PRKCE: variants seen among roughly 807,000 people sequenced by gnomAD.
PRKCE encodes the protein protein kinase C epsilon type.
In PRKCE, 16 loss-of-function variants were observed where a neutral mutation model predicts 85.4. That is an observed-to-expected ratio of 0.19 (90% CI 0.13 to 0.28). PRKCE has a LOEUF of 0.28. Among genes scored for constraint, PRKCE ranks in the 10% least tolerant of loss-of-function variants. The pLI is 1.00. For missense variants in PRKCE, 573 were observed against 975.2 expected, an observed-to-expected ratio of 0.59 and a Z score of 5.49; for synonymous variants, 388 against 371.5, an observed-to-expected ratio of 1.04 and a Z score of -0.51.
chr2:45,791,123 G>A (rs1686999555), intron 1 of PRKCE, among the ~76,000 whole-genome samples: 1 of 152,184 alleles, frequency 6.6e-6, no homozygotes, highest in Non-Finnish European at 1.5e-5. Flanking sequence ...GAATTGGCTG[G>A]TAGAGGTGCC....
chr2:45,841,479 C>T (rs1484440392), intron 1 of PRKCE, among the ~76,000 whole-genome samples: 1 of 152,228 alleles, frequency 6.6e-6, no homozygotes, highest in Non-Finnish European at 1.5e-5. Context: ...GGCTGGAAAA[C>T]TCAGCAAGCC....
chr2:45,948,926 G>A (rs528927130), intron 2 of PRKCE, among the ~76,000 whole-genome samples: 1 of 152,278 alleles, frequency 6.6e-6, no homozygotes, highest in East Asian at 1.9e-4. Context: ...CTGTGATATA[G>A]ATCTGGTTCA....
intron 11 of PRKCE, among the ~76,000 whole-genome samples, chr2:46,106,290 T>C (rs1416246908): frequency 6.6e-6 from 1 of 152,234 alleles, no homozygotes; most frequent in East Asian, 1.9e-4. Flanking sequence ...TTCTAGCCTC[T>C]TCTCATTGCT....
intron 1 of PRKCE, among the ~76,000 whole-genome samples, chr2:45,689,979 A>G (rs928903881): frequency 2.6e-5 from 4 of 151,994 alleles, no homozygotes; most frequent in Non-Finnish European, 4.4e-5. Context: ...AGTTCCTTGG[A>G]TATCCTTCCA....
intron 1 of PRKCE, among the ~76,000 whole-genome samples, chr2:45,683,747 G>C (rs553516982): frequency 1.3e-5 from 2 of 152,136 alleles, no homozygotes; most frequent in Non-Finnish European, 1.5e-5. Flanking sequence ...AATATAACAA[G>C]ATAAACGGTC....
intron 1 of PRKCE, among the ~76,000 whole-genome samples, chr2:45,824,036 C>T (rs1041543718): frequency 6.6e-6 from 1 of 152,202 alleles, no homozygotes; most frequent in South Asian, 2.1e-4. Context: ...ACACACCCTG[C>T]AGGCTGCTGC....
chr2:46,104,199 G>A (rs190313777), intron 11 of PRKCE, among the ~76,000 whole-genome samples: 106 of 151,464 alleles, frequency 7.0e-4, no homozygotes, highest in African/African-American at 2.4e-3. Context: ...GGAAGCCTTC[G>A]TCTCCATCAA....
In PRKCE at chr2:45,844,458, A is replaced by T. The variant is rs368276764; in HGVS notation, c.412+1395A>T. 4.2e-4 allele frequency among the ~76,000 whole-genome samples: 64 copies of T among 152,350 alleles called. No individual in the cohort carries two copies. The South Asian group carries it at 0.012, about 30-fold the overall frequency. ...CACATGAAATATTTAAGACCTACAA[A>T]AGGGCATAAAGACAAATTAAATGAG... On this transcript the variant is annotated intron_variant, in intron 2 of 14. Coordinates refer to ENST00000306156, the MANE Select transcript of PRKCE (RefSeq NM_005400.3).
intron 2 of PRKCE, among the ~76,000 whole-genome samples, chr2:45,884,999 A>ATTTTT (rs1265565855): frequency 1.6e-5 from 1 of 63,270 alleles, no homozygotes; most frequent in Non-Finnish European, 3.2e-5. Context: ...ATATATATAT[A>ATTTTT]TATTTGTTGT....
intron 1 of PRKCE, among the ~76,000 whole-genome samples, chr2:45,711,273 A>G (rs1679611465): frequency 1.3e-5 from 2 of 152,198 alleles, no homozygotes; most frequent in South Asian, 4.1e-4. Flanking sequence ...AATAGACAAC[A>G]GCTGCAAGGT....
Position 46,164,384 on chromosome 2 carries a change from C to A in PRKCE, c.2067+4632C>A, listed in dbSNP as rs375757509. 7.9e-5 allele frequency among the ~76,000 whole-genome samples: 12 copies of A among 152,344 alleles called. 1 individual carries two copies. In the South Asian group the frequency reaches 2.5e-3, roughly 32 times the overall value. ...CAAGGAAGGCAGCTGTACAAGTGCC[C>A]TAATCTGGTAAAACTGAATACCTCC... On this transcript the variant is annotated intron_variant, in intron 14 of 14. Coordinates refer to ENST00000306156, the MANE Select transcript of PRKCE (RefSeq NM_005400.3).
intron 2 of PRKCE, among the ~76,000 whole-genome samples, chr2:45,939,079 G>C (rs998845521): frequency 4.6e-5 from 7 of 152,134 alleles, no homozygotes; most frequent in Admixed American, 2.0e-4. Context: ...AGGAGGTGCC[G>C]GGCTATAAAT....
Position 46,004,687 on chromosome 2 carries a change from G to T in PRKCE, c.1063+49G>T. 1 of 1,457,940 alleles carries T rather than the reference G, an allele frequency of 6.9e-7. No homozygotes were observed. The highest frequency in any genetic ancestry group is 9.3e-7 in the Non-Finnish European group (1 of 1,073,496). The allele number at this position is 1,457,940 out of a possible 1,614,324, so 90.3% of individuals were successfully genotyped here. On this transcript the variant is annotated intron_variant, in intron 8 of 14. Transcript: ENST00000306156. The surrounding 1 kb of genome is among the most constrained non-coding windows in gnomAD (Gnocchi z 4.1). ...TGACCTCTGAGTTCTGCCATTGGAT[G>T]GACCAAGGAGCTCTGAGGCCTCTTT...
intron 11 of PRKCE, among the ~76,000 whole-genome samples, chr2:46,112,090 GT>G (rs1672310106): frequency 6.6e-6 from 1 of 152,158 alleles, no homozygotes; most frequent in African/African-American, 2.4e-5. Flanking sequence ...TTGTATACCT[GT>G]TTAGGATATT....
At chr2:45,663,005 G>A (rs1434495297) in intron 1 of PRKCE, among the ~76,000 whole-genome samples, 1 of 152,204 alleles carries the variant, frequency 6.6e-6, no homozygotes, top group South Asian at 2.1e-4. Context: ...TAAAGATGGA[G>A]CATATAATTG....
intron 2 of PRKCE, among the ~76,000 whole-genome samples, chr2:45,932,861 A>T (rs896652396): frequency 1.3e-5 from 2 of 152,222 alleles, no homozygotes; most frequent in African/African-American, 4.8e-5. Flanking sequence ...CATACTTCAT[A>T]TAAGTGGAAT....
chr2:45,823,881 C>T (rs759139636), intron 1 of PRKCE, among the ~76,000 whole-genome samples: 3 of 152,256 alleles, frequency 2.0e-5, no homozygotes, highest in Non-Finnish European at 2.9e-5. Context: ...TTCGCAGAGG[C>T]CTGCCCAGAG....
chr2:45,779,390 G>C (rs763765548), intron 1 of PRKCE, among the ~76,000 whole-genome samples: 1 of 152,096 alleles, frequency 6.6e-6, no homozygotes, highest in African/African-American at 2.4e-5. Flanking sequence ...CAGAGGCGGC[G>C]CTAGTGCTAG....
intron 10 of PRKCE, among the ~76,000 whole-genome samples, chr2:46,065,078 G>T (rs991703437): frequency 3.9e-5 from 6 of 152,144 alleles, no homozygotes; most frequent in African/African-American, 1.4e-4. Flanking sequence ...ACACTTCAGC[G>T]CTGGCATCAC....
Sources: gnomAD v4.1 joint callset for allele counts (sites outside exome capture counted in the v4.1 genomes callset) on GRCh38, gnomAD v4.1.1 for gene constraint, Gnocchi (gnomAD v3.1) non-coding constraint, MANE v1.5 for transcripts, NCBI Gene and HGNC (gene_info 2026-07-23, HGNC 2026-07-21) for gene names.